The following INAVA variants were observed in gnomAD, a reference collection of about 807,000 sequenced individuals.
INAVA encodes innate immunity activator protein.
Under a neutral mutation model 55.3 loss-of-function variants are expected in INAVA, and 32 were observed. The observed-to-expected ratio is 0.58, with a 90% confidence interval of 0.44 to 0.78. INAVA has a LOEUF of 0.78. Ranked by LOEUF, INAVA falls within the 30% of genes least tolerant of loss-of-function variation. The pLI, the probability that INAVA is intolerant of heterozygous loss-of-function variation, is 0.00. For missense variants in INAVA, 756 were observed against 786.4 expected (o/e 0.96, Z 0.46); for synonymous variants, 294 against 329.4 (o/e 0.89, Z 1.16).
chr1:200,915,651 T>C lies in INAVA; in HGVS notation c.*2022T>C, dbSNP rs1653909848. ...TATAACACCTGGTGCCATTGCCAAG[T>C]GGCTGTGTCCTCAGCTACAGAGCTG... On this transcript the variant is annotated 3_prime_UTR_variant, in exon 10 of 10. Coordinates refer to ENST00000413687, the MANE Select transcript of INAVA (RefSeq NM_001142569.3). The C allele has an allele frequency of 1.3e-5, 2 of 152,142 alleles. No individual in the cohort carries two copies. Among genetic ancestry groups the C allele is most frequent in the Admixed American group, 6.6e-5 (1 of 15,262 alleles). 9.4% of individuals were successfully genotyped at this position (152,142 alleles called of 1,614,324 possible).
intron 2 of INAVA, 136 bp downstream of exon 2, chr1:200,898,591 AGG>A: frequency 2.1e-6 from 2 of 961,530 alleles, no homozygotes; most frequent in Non-Finnish European, 1.5e-6. Context: ...GAGGAAGGGG[AGG>A]GAGAGGCCTC....
At chr1:200,895,205 C>A in intron 1 of INAVA, 118 bp downstream of exon 1, 1 of 840,050 alleles carries the variant, frequency 1.2e-6, no homozygotes, top group Non-Finnish European at 1.4e-6. Context: ...CAGCCTATGT[C>A]TGGTGTGTAG....
chr1:200,899,185 G>C (rs895696370), intron 2 of INAVA, among the ~76,000 whole-genome samples: 3 of 151,846 alleles, frequency 2.0e-5, no homozygotes, highest in African/African-American at 7.3e-5. Context: ...AGGAGGAGTG[G>C]GGGGAGGACT....
intron 4 of INAVA, 62 bp from the exon 5 acceptor site, chr1:200,900,875 C>T: frequency 2.3e-6 from 3 of 1,331,204 alleles, no homozygotes; most frequent in South Asian, 1.4e-5. Context: ...GGGCTGCTGT[C>T]CACCCTCTGG....
At position 200,908,932 on chromosome 1, in the gene INAVA, C is replaced by T. The variant is rs144762034; in HGVS notation, c.777C>T (p.Ser259=). 1.4e-4 allele frequency: 227 copies of T among 1,612,074 alleles called. No individual in the cohort carries two copies. The highest frequency in any genetic ancestry group is 1.8e-4 in the South Asian group (16 of 90,856). ...CCAGGAAGTCTTCTGAGCCCTGGAG[C>T]GAGTCCAGGTCAGGATCAGGGGGAA... ...EKPRKSSEPW[S]ESSSPATTPQ... is the part of the protein sequence containing the mutation. Residue 259 remains serine, a synonymous_variant, in exon 7 of 10, where the codon AGC becomes AGT. Transcript: ENST00000413687.
chr1:200,911,999 G>A lies in INAVA; in HGVS notation c.1506G>A (p.Glu502=), dbSNP rs1653765694. 3 of 1,534,020 alleles carry A rather than the reference G, an allele frequency of 2.0e-6. No individual in the cohort carries two copies. The highest frequency in any genetic ancestry group is 1.8e-4 in the Middle Eastern group (1 of 5,560). ...GRGLSKAAVS[E]ELKWWHERAR... is the part of the protein sequence containing the mutation. The stretch of plus-strand genomic sequence containing the variant: ...GGCTCAGCAAGGCCGCCGTGTCCGA[G>A]GAGCTCAAGTGGTGGCACGAGCGTG... The change falls in exon 9 of 10, where the codon GAG becomes GAA. Residue 502 remains glutamate, a synonymous_variant. Transcript: ENST00000413687.
intron 1 of INAVA, among the ~76,000 whole-genome samples, chr1:200,896,407 C>T (rs1558226748): frequency 1.3e-5 from 2 of 152,102 alleles, no homozygotes; most frequent in African/African-American, 4.8e-5. Flanking sequence ...CTGTTCTTAT[C>T]TCTACGAGGG....
chr1:200,909,357 C>G lies in INAVA; in HGVS notation c.919C>G (p.Pro307Ala). Residue 307 changes from proline to alanine, a missense_variant, in exon 8 of 10, where the codon CCT becomes GCT. Transcript: ENST00000413687. ...GGGCCGCACCAGTGCCCCAGCCACCCCTGAGATACAGGGGAGGAGGGGCCA... is the reference window on the plus strand; with the variant it reads ...GGGCCGCACCAGTGCCCCAGCCACCGCTGAGATACAGGGGAGGAGGGGCCA... ...WQGRTSAPATPEIQGRRGQSQ... is the reference protein window; with the variant it reads ...WQGRTSAPATAEIQGRRGQSQ... 6.2e-7 allele frequency: 1 copy of G among 1,609,062 alleles called. No individual in the cohort carries two copies. Among genetic ancestry groups the G allele is most frequent in the South Asian group, 1.1e-5 (1 of 90,534 alleles).
At chr1:200,897,486 T>C (rs551712345) in intron 1 of INAVA, among the ~76,000 whole-genome samples, 8 of 152,188 alleles carry the variant, frequency 5.3e-5, no homozygotes, top group Non-Finnish European at 8.8e-5. Context: ...CGTCCTGGAC[T>C]TCGGAGGCCC....
intron 5 of INAVA, among the ~76,000 whole-genome samples, chr1:200,903,356 T>C (rs296530): frequency 0.28 from 42,716 of 151,486 alleles, 6,848 homozygotes; most frequent in Non-Finnish European, 0.38. Context: ...TGGTGGTGCA[T>C]GTCTGTAGTC....
At chr1:200,908,582 G>A in intron 6 of INAVA, 148 bp from the exon 7 acceptor site, 1 of 654,862 alleles carries the variant, frequency 1.5e-6, no homozygotes, top group Non-Finnish European at 2.6e-6. Context: ...ACATGTTTGA[G>A]CATCTAGGGC....
chr1:200,892,715 C>T (rs1315958135), upstream of INAVA, among the ~76,000 whole-genome samples: 1 of 152,134 alleles, frequency 6.6e-6, no homozygotes, highest in African/African-American at 2.4e-5. Context: ...GGAGTGCCCA[C>T]CTCCCCCATT....
At chr1:200,909,475 G>A in intron 8 of INAVA, 78 bp downstream of exon 8, 1 of 1,311,978 alleles carries the variant, frequency 7.6e-7, no homozygotes. Flanking sequence ...CCAGGACACA[G>A]GTGGGACAAC....
At chr1:200,892,882 G>A (rs1668264084), upstream of INAVA, among the ~76,000 whole-genome samples, 1 of 152,184 alleles carries the variant, frequency 6.6e-6, no homozygotes, top group Non-Finnish European at 1.5e-5. Flanking sequence ...AGGTGTTTTT[G>A]AGAATTCCAA....
At chr1:200,902,136 T>C (rs1304388241) in intron 5 of INAVA, among the ~76,000 whole-genome samples, 1 of 152,096 alleles carries the variant, frequency 6.6e-6, no homozygotes, top group Non-Finnish European at 1.5e-5. Context: ...AAATCCAGAA[T>C]TGGATTCAGA....
At chr1:200,899,447 G>A in intron 2 of INAVA, 26 bp from the exon 3 acceptor site, 2 of 1,613,336 alleles carry the variant, frequency 1.2e-6, no homozygotes, top group Non-Finnish European at 1.7e-6. Flanking sequence ...CAGCCTCCCT[G>A]AGCATGTGCC....
chr1:200,895,352 C>T (rs974688621), intron 1 of INAVA, among the ~76,000 whole-genome samples: 8 of 151,938 alleles, frequency 5.3e-5, no homozygotes, highest in Non-Finnish European at 8.8e-5. Context: ...GGGGGACACA[C>T]TTGGGATAGA....
chr1:200,897,505 G>A (rs1050761034), intron 1 of INAVA, among the ~76,000 whole-genome samples: 9 of 152,208 alleles, frequency 5.9e-5, no homozygotes, highest in Non-Finnish European at 1.3e-4. Context: ...CCCAGACCAG[G>A]GCCTTGGCCA....
upstream of INAVA, chr1:200,894,899 C>A (rs1668307931): frequency 1.0e-6 from 1 of 985,790 alleles, no homozygotes; most frequent in Non-Finnish European, 1.2e-6. Context: ...TCCCCTGGCC[C>A]GGCAGCCTGG....
Sources: allele counts gnomAD v4.1 joint callset (sites outside exome capture counted in the v4.1 genomes callset), GRCh38; gene constraint gnomAD v4.1.1; transcripts MANE v1.5; gene names NCBI Gene and HGNC (gene_info 2026-07-23, HGNC 2026-07-21).